Variants in CXADR observed in about 807,000 individuals in gnomAD.
CXADR encodes the protein CXADR cell adhesion molecule, also known as coxsackievirus and adenovirus receptor.
CXADR carries 20 observed loss-of-function variants against 40.3 expected under a neutral mutation model. The ratio of observed to expected loss-of-function variants is 0.50; its 90% CI spans 0.35 to 0.72. The LOEUF is 0.72. CXADR is among the 30% of genes least tolerant of loss of function. The pLI, the probability that CXADR is intolerant of heterozygous loss-of-function variation, is 0.01. For missense variants in CXADR, 332 were observed against 449.1 expected, an observed-to-expected ratio of 0.74 and a Z score of 2.36; for synonymous variants, 150 against 161.3, an observed-to-expected ratio of 0.93 and a Z score of 0.53.
At chr21:17,604,445 CA>C in the CXADR span, among the ~76,000 whole-genome samples, 2 of 148,682 alleles carry the variant, frequency 1.3e-5, no homozygotes, top group African/African-American at 2.5e-5. Context: ...AACTCCGTCC[CA>C]AAAAAAAAGA....
chr21:17,586,811 A>C lies in CXADR; in HGVS notation c.1018-6341A>C, dbSNP rs148624486. 2.1e-3 allele frequency among the ~76,000 whole-genome samples: 319 copies of C among 152,272 alleles called. 1 individual carries two copies. Among genetic ancestry groups the C allele is most frequent in the Non-Finnish European group, 3.4e-3 (233 of 68,026 alleles). On this transcript the variant is annotated intron_variant, in intron 7 of 7. Transcript: ENST00000400169. ...GTGCAGGTTTGTTACATATGTATAC[A>C]TGTGCCGTGTTGGTGTGCTGCACTC...
At chr21:17,539,791 A>G (rs1045275652) in intron 1 of CXADR, among the ~76,000 whole-genome samples, 1 of 152,074 alleles carries the variant, frequency 6.6e-6, no homozygotes, top group African/African-American at 2.4e-5. Context: ...ACATTTTTCC[A>G]TCATTTTGCG....
At chr21:17,558,729 C>T (rs546774757) in intron 3 of CXADR, among the ~76,000 whole-genome samples, 2 of 152,098 alleles carry the variant, frequency 1.3e-5, no homozygotes, top group African/African-American at 2.4e-5. Context: ...GGACAGGCAC[C>T]GAGCTATGCC....
chr21:17,548,878 A>G (rs551984389), intron 2 of CXADR, among the ~76,000 whole-genome samples: 5 of 152,338 alleles, frequency 3.3e-5, no homozygotes, highest in African/African-American at 1.2e-4. Context: ...CCTAGCTTCT[A>G]ACCTAAAACA....
the CXADR span, among the ~76,000 whole-genome samples, chr21:17,626,237 AC>A: frequency 1.1e-4 from 16 of 152,226 alleles, no homozygotes; most frequent in African/African-American, 3.9e-4. Context: ...ATGCAAACAT[AC>A]CTATCCCCTT....
chr21:17,532,200 T>C (rs1373355406), intron 1 of CXADR, among the ~76,000 whole-genome samples: 1 of 152,152 alleles, frequency 6.6e-6, no homozygotes, highest in Non-Finnish European at 1.5e-5. Context: ...CCCAAAGTGT[T>C]GCTATTACAG....
the CXADR span, chr21:17,604,343 G>A: frequency 4.8e-6 from 1 of 207,178 alleles, no homozygotes; most frequent in African/African-American, 2.4e-5. Flanking sequence ...TACTCAGGAG[G>A]CTGAGGCAGG....
intron 2 of CXADR, 53 bp from the exon 3 acceptor site, chr21:17,551,695 GT>G: frequency 2.6e-6 from 4 of 1,514,094 alleles, no homozygotes; most frequent in African/African-American, 1.4e-5. Flanking sequence ...TTAAGAGACA[GT>G]TTTTTTTGTG....
chr21:17,633,604 A>G, the CXADR span, among the ~76,000 whole-genome samples: 640 of 152,320 alleles, frequency 4.2e-3, 2 homozygotes, highest in African/African-American at 0.015. Context: ...CACACTTTTC[A>G]TCTATTCTTC....
intron 7 of CXADR, among the ~76,000 whole-genome samples, chr21:17,577,733 C>T (rs1946298462): frequency 7.0e-6 from 1 of 143,168 alleles, no homozygotes; most frequent in Admixed American, 7.4e-5. Context: ...TTGTGGTAAA[C>T]ACATTTAACA....
intron 1 of CXADR, chr21:17,527,060 A>G (rs926823879): frequency 6.6e-6 from 1 of 152,230 alleles, no homozygotes; most frequent in Admixed American, 6.5e-5. Context: ...TTGCCAGAGA[A>G]TTCTGAAATT....
chr21:17,523,495 C>A (rs2060556779), intron 1 of CXADR, among the ~76,000 whole-genome samples: 1 of 152,166 alleles, frequency 6.6e-6, no homozygotes, highest in Non-Finnish European at 1.5e-5. Flanking sequence ...AGTTCTCCTA[C>A]TTGCAGCCAG....
intron 1 of CXADR, among the ~76,000 whole-genome samples, chr21:17,534,221 C>T (rs995879407): frequency 6.8e-6 from 1 of 146,992 alleles, no homozygotes; most frequent in African/African-American, 2.5e-5. Flanking sequence ...GATTCTTCTG[C>T]CTCTAGCTGG....
At chr21:17,550,097 CTGTAG>C (rs2060946579) in intron 2 of CXADR, among the ~76,000 whole-genome samples, 1 of 152,126 alleles carries the variant, frequency 6.6e-6, no homozygotes, top group Non-Finnish European at 1.5e-5. Flanking sequence ...TAGCTCATGC[CTGTAG>C]TCCCAGCACT....
At chr21:17,564,210 C>T (rs968554704) in intron 6 of CXADR, among the ~76,000 whole-genome samples, 3 of 149,404 alleles carry the variant, frequency 2.0e-5, no homozygotes, top group Admixed American at 1.3e-4. Flanking sequence ...TATAAAATGG[C>T]GGCCAGGCGC....
intron 3 of CXADR, 134 bp downstream of exon 3, chr21:17,552,087 A>G (rs575569874): frequency 1.3e-4 from 88 of 664,128 alleles, no homozygotes; most frequent in African/African-American, 5.8e-4. Context: ...AAGTACTTCT[A>G]TGTTGGATAG....
the CXADR span, among the ~76,000 whole-genome samples, chr21:17,608,544 C>T: frequency 6.6e-6 from 1 of 151,874 alleles, no homozygotes; most frequent in Admixed American, 6.6e-5. Context: ...ATCTTAGTTC[C>T]CTTTTTCCAT....
At chr21:17,538,421 T>C (rs547249068) in intron 1 of CXADR, among the ~76,000 whole-genome samples, 1 of 152,316 alleles carries the variant, frequency 6.6e-6, no homozygotes, top group African/African-American at 2.4e-5. Flanking sequence ...AGAGGGTGGC[T>C]AGTCAAAGGA....
chr21:17,591,008 A>T (rs2061431118), intron 7 of CXADR, among the ~76,000 whole-genome samples: 1 of 152,092 alleles, frequency 6.6e-6, no homozygotes, highest in African/African-American at 2.4e-5. Flanking sequence ...ATCAATAGAT[A>T]CTTTAATGTC....
Sources: gnomAD v4.1 joint callset for allele counts (sites outside exome capture counted in the v4.1 genomes callset) on GRCh38, gnomAD v4.1.1 for gene constraint, MANE v1.5 for transcripts, NCBI Gene and HGNC (gene_info 2026-07-23, HGNC 2026-07-21) for gene names.